The following CLEC16A variants were observed in gnomAD, a reference collection of about 807,000 sequenced individuals.
CLEC16A encodes protein CLEC16A.
A neutral mutation model predicts 109.5 loss-of-function variants in CLEC16A; 51 were observed. The observed-to-expected ratio is 0.47, with a 90% CI of 0.37 to 0.59. CLEC16A has a LOEUF of 0.59. Among genes scored for constraint, CLEC16A ranks in the 20% least tolerant of loss-of-function variants. CLEC16A has a pLI of 0.00. For missense variants in CLEC16A, 1,339 were observed against 1,394.0 expected, an observed-to-expected ratio of 0.96 and a Z score of 0.63; for synonymous variants, 673 against 564.2, an observed-to-expected ratio of 1.19 and a Z score of -2.73.
intron 19 of CLEC16A, among the ~76,000 whole-genome samples, chr16:11,081,170 A>G (rs1364603704): frequency 6.6e-6 from 1 of 152,206 alleles, no homozygotes; most frequent in Admixed American, 6.5e-5. Flanking sequence ...TCCTTGGCAG[A>G]TCCCTCTGAC....
At chr16:11,142,270 G>A (rs1236541047) in intron 22 of CLEC16A, among the ~76,000 whole-genome samples, 2 of 152,228 alleles carry the variant, frequency 1.3e-5, no homozygotes, top group African/African-American at 4.8e-5. Context: ...CAGGGCCCGG[G>A]AACCTGACAA....
intron 22 of CLEC16A, among the ~76,000 whole-genome samples, chr16:11,165,678 T>C (rs2068230592): frequency 6.6e-6 from 1 of 152,106 alleles, no homozygotes; most frequent in Admixed American, 6.5e-5. Context: ...TGCTTCTGTG[T>C]GGGAAACAGG....
At chr16:11,135,685 G>A (rs551329043) in intron 22 of CLEC16A, among the ~76,000 whole-genome samples, 1 of 152,364 alleles carries the variant, frequency 6.6e-6, no homozygotes, top group South Asian at 2.1e-4. Context: ...CAGTAGGTGG[G>A]GGGAGAGAAC....
At chr16:11,116,238 A>AT (rs2051981578) in intron 19 of CLEC16A, among the ~76,000 whole-genome samples, 1 of 151,784 alleles carries the variant, frequency 6.6e-6, no homozygotes, top group Admixed American at 6.6e-5. Flanking sequence ...AAAAATAAAA[A>AT]AAAAAAAATA....
chr16:11,093,681 A>T (rs2050443164), intron 19 of CLEC16A, among the ~76,000 whole-genome samples: 2 of 152,184 alleles, frequency 1.3e-5, no homozygotes, highest in Non-Finnish European at 2.9e-5. Flanking sequence ...GCACAGGTGG[A>T]AGAGGGCAGG....
intron 18 of CLEC16A, 45 bp downstream of exon 18, chr16:11,051,686 A>C: frequency 6.2e-7 from 1 of 1,604,642 alleles, no homozygotes; most frequent in South Asian, 1.1e-5. Flanking sequence ...ACTGTTCTCC[A>C]GAACCACTCC....
intron 23 of CLEC16A, among the ~76,000 whole-genome samples, chr16:11,171,276 C>A (rs2068501288): frequency 1.3e-5 from 2 of 152,196 alleles, no homozygotes; most frequent in Non-Finnish European, 2.9e-5. Context: ...AGGCTCCCTC[C>A]GTGTGCAGCA....
intron 19 of CLEC16A, among the ~76,000 whole-genome samples, chr16:11,112,495 CAAA>C (rs984574100): frequency 2.3e-4 from 20 of 85,596 alleles, no homozygotes; most frequent in East Asian, 7.9e-4. Flanking sequence ...CCTATCTCTA[CAAA>C]AAAAAAAAAA....
chr16:10,949,787 G>A (rs1347571515), intron 1 of CLEC16A, among the ~76,000 whole-genome samples: 2 of 152,176 alleles, frequency 1.3e-5, no homozygotes, highest in African/African-American at 4.8e-5. Flanking sequence ...GTGTTGGTGG[G>A]GCGGGGAGCA....
chr16:11,139,210 G>A (rs1265281607), intron 22 of CLEC16A, among the ~76,000 whole-genome samples: 4 of 152,098 alleles, frequency 2.6e-5, no homozygotes, highest in Non-Finnish European at 5.9e-5. Context: ...GGGGGTCTCC[G>A]GGGTGGCCCA....
rs928236915 is a variant in CLEC16A, at chr16:11,178,187, G to A, written c.2807-148G>A. 3.0e-6 allele frequency: 2 copies of A among 660,380 alleles called. No homozygotes were observed. The highest frequency in any genetic ancestry group is 5.2e-6 in the Non-Finnish European group (2 of 382,678). The allele number at this position is 660,380 out of a possible 1,614,324, so 40.9% of individuals were successfully genotyped here. Reference sequence around the variant, plus strand: ...TGCAGGTTCTGTGTCCCCAAAAGGAGTGAGTGGAGCCACGCTGAGCCCTCA... The same window carrying A: ...TGCAGGTTCTGTGTCCCCAAAAGGAATGAGTGGAGCCACGCTGAGCCCTCA... On this transcript the variant is annotated intron_variant, in intron 23 of 23. Coordinates refer to ENST00000409790, the MANE Select transcript of CLEC16A (RefSeq NM_015226.3). The surrounding 1 kb of genome is among the most constrained non-coding windows in gnomAD (Gnocchi z 6.5).
intron 22 of CLEC16A, chr16:11,156,456 GT>G: frequency 2.2e-6 from 1 of 453,812 alleles, no homozygotes; most frequent in Non-Finnish European, 3.9e-6. Context: ...CAGGGCCATA[GT>G]GACCCACCCT....
intron 1 of CLEC16A, among the ~76,000 whole-genome samples, chr16:10,948,114 C>T (rs12930888): frequency 0.17 from 26,278 of 152,048 alleles, 2,698 homozygotes; most frequent in Middle Eastern, 0.23. Flanking sequence ...AGGATGGTCT[C>T]GATCTCCTGA....
chr16:10,989,613 G>T (rs2043878079), intron 10 of CLEC16A, among the ~76,000 whole-genome samples: 2 of 152,146 alleles, frequency 1.3e-5, no homozygotes, highest in African/African-American at 4.8e-5. Context: ...GGATTCTGGG[G>T]CAGAATAGGC....
intron 22 of CLEC16A, among the ~76,000 whole-genome samples, chr16:11,152,088 A>T (rs2054312501): frequency 6.6e-6 from 1 of 152,240 alleles, no homozygotes; most frequent in Non-Finnish European, 1.5e-5. Flanking sequence ...TGCCTAACTC[A>T]GCACAGCAAG....
chr16:11,047,301 AT>A lies in CLEC16A; in HGVS notation c.1832del (p.Leu611TrpfsTer11). ...CTTCCTTTCTTTTTAGGGAGAAGAC[AT>A]TTTTTTGGACATGTTTGAAGATGAG... ...LVRHFYKGEDIFLDMFEDEYR... is the reference protein window; with the variant it reads ...LVRHFYKGEDXFLDMFEDEYR... On this transcript the variant is annotated frameshift_variant, in exon 17 of 24. Coordinates refer to ENST00000409790, the MANE Select transcript of CLEC16A (RefSeq NM_015226.3). LOFTEE classifies it high-confidence loss of function. 1 of 1,609,808 alleles carries A rather than the reference AT, an allele frequency of 6.2e-7. No homozygotes were observed.
chr16:11,021,362 A>G (rs945324931), intron 12 of CLEC16A, among the ~76,000 whole-genome samples: 2 of 152,394 alleles, frequency 1.3e-5, no homozygotes, highest in East Asian at 3.8e-4. Flanking sequence ...TGTAACTCCC[A>G]AAGCTCTGAA....
chr16:11,097,316 T>C (rs1177853324), intron 19 of CLEC16A, among the ~76,000 whole-genome samples: 1 of 152,216 alleles, frequency 6.6e-6, no homozygotes, highest in Non-Finnish European at 1.5e-5. Context: ...TCACATCCCT[T>C]ACCAATTTTC....
At chr16:10,967,817 AC>A (rs1436785826) in intron 3 of CLEC16A, among the ~76,000 whole-genome samples, 21 of 152,324 alleles carry the variant, frequency 1.4e-4, no homozygotes, top group African/African-American at 5.1e-4. Flanking sequence ...AGATGTGGAC[AC>A]AAGCAGGCCA....
Sources: allele counts gnomAD v4.1 joint callset (sites outside exome capture counted in the v4.1 genomes callset), GRCh38; gene constraint gnomAD v4.1.1; non-coding constraint Gnocchi (gnomAD v3.1); transcripts MANE v1.5; gene names NCBI Gene and HGNC (gene_info 2026-07-23, HGNC 2026-07-21).